The following ACTR10 variants were observed in gnomAD, a reference collection of about 807,000 sequenced individuals.
ACTR10 encodes actin-related protein 10.
Under a neutral mutation model 56.2 loss-of-function variants are expected in ACTR10, and 43 were observed. The ratio of observed to expected loss-of-function variants is 0.77; its 90% CI spans 0.60 to 0.99. The LOEUF (loss-of-function observed/expected upper bound fraction) is 0.99, where lower values mean the gene tolerates loss of function less well. Among genes scored for constraint, ACTR10 ranks in the 50% least tolerant of loss-of-function variants. The probability of loss-of-function intolerance (pLI) is 0.00; values close to 1 mark genes in which losing one functional copy is unlikely to be tolerated. For synonymous variants in ACTR10, 170 were observed against 176.3 expected, an observed-to-expected ratio of 0.96 and a Z score of 0.28; for missense variants, 466 against 507.8, an observed-to-expected ratio of 0.92 and a Z score of 0.79.
At chr14:58,219,866 A>G (rs1444945807) in intron 8 of ACTR10, 137 bp downstream of exon 8, 1 of 536,816 alleles carries the variant, frequency 1.9e-6, no homozygotes, top group African/African-American at 2.0e-5. Context: ...AGGTTATGGG[A>G]TACTCTAAGT....
intron 6 of ACTR10, among the ~76,000 whole-genome samples, chr14:58,214,962 C>T (rs933329734): frequency 1.3e-5 from 2 of 151,244 alleles, no homozygotes; most frequent in Non-Finnish European, 1.5e-5. Flanking sequence ...AAAACTTAGC[C>T]GGGCATGGTG....
At chr14:58,214,567 C>T (rs977754380) in intron 6 of ACTR10, among the ~76,000 whole-genome samples, 8 of 151,528 alleles carry the variant, frequency 5.3e-5, no homozygotes, top group African/African-American at 1.4e-4. Context: ...CTCGGCTCAC[C>T]GCAACCTCCG....
chr14:58,214,012 TACAA>T (rs1889066536), intron 6 of ACTR10, among the ~76,000 whole-genome samples: 1 of 152,212 alleles, frequency 6.6e-6, no homozygotes, highest in African/African-American at 2.4e-5. Flanking sequence ...TCCTTTGAGT[TACAA>T]ACAATCCAGT....
At chr14:58,214,973 G>A (rs1181590774) in intron 6 of ACTR10, among the ~76,000 whole-genome samples, 2 of 151,658 alleles carry the variant, frequency 1.3e-5, no homozygotes, top group African/African-American at 4.8e-5. Flanking sequence ...GGGCATGGTG[G>A]CGGGCACCTG....
intron 7 of ACTR10, among the ~76,000 whole-genome samples, chr14:58,218,401 C>A (rs1889186241): frequency 6.6e-6 from 1 of 152,046 alleles, no homozygotes; most frequent in African/African-American, 2.4e-5. Flanking sequence ...AACATGTTAT[C>A]TTTAGTATGT....
At chr14:58,203,195 AGG>A (rs1169885165) in intron 2 of ACTR10, among the ~76,000 whole-genome samples, 1 of 148,790 alleles carries the variant, frequency 6.7e-6, no homozygotes, top group Non-Finnish European at 1.5e-5. Flanking sequence ...CCAGCTCCTC[AGG>A]GGGCCGAGGC....
chr14:58,212,428 A>T (rs1219109901), intron 5 of ACTR10, among the ~76,000 whole-genome samples: 1 of 152,232 alleles, frequency 6.6e-6, no homozygotes, highest in Non-Finnish European at 1.5e-5. Flanking sequence ...TGCTTTATTG[A>T]AAAGGATGTT....
At chr14:58,226,106 A>AT (rs1252639497) in intron 10 of ACTR10, among the ~76,000 whole-genome samples, 38 of 151,738 alleles carry the variant, frequency 2.5e-4, no homozygotes, top group South Asian at 8.4e-4. Flanking sequence ...ACAAAAAAAA[A>AT]TTTTTTTTTA....
chr14:58,211,939 C>CA (rs35891910), intron 5 of ACTR10, among the ~76,000 whole-genome samples: 32,459 of 126,996 alleles, frequency 0.26, 4,051 homozygotes, highest in Middle Eastern at 0.35. Flanking sequence ...GACTCTGTCT[C>CA]AAAAAAAAAA....
chr14:58,224,576 T>C (rs542484006), intron 10 of ACTR10, among the ~76,000 whole-genome samples: 2 of 152,218 alleles, frequency 1.3e-5, no homozygotes, highest in East Asian at 3.9e-4. Context: ...CCCAGCACTT[T>C]GGGAGGTGGA....
intron 5 of ACTR10, chr14:58,213,183 T>C (rs566968839): frequency 6.6e-6 from 1 of 152,634 alleles, no homozygotes; most frequent in East Asian, 1.9e-4. Flanking sequence ...ATGAAATTAA[T>C]AGTATATTTT....
intron 2 of ACTR10, among the ~76,000 whole-genome samples, chr14:58,206,869 GA>G (rs1888877575): frequency 2.0e-5 from 3 of 152,138 alleles, no homozygotes; most frequent in Non-Finnish European, 2.9e-5. Flanking sequence ...CTTGTGCATA[GA>G]GCTTATAATC....
In ACTR10 at chr14:58,234,459, T is replaced by G; in HGVS notation, c.1162T>G (p.Cys388Gly). The change falls in exon 13 of 13, where the codon TGT becomes GGT. Residue 388 changes from cysteine (C) to glycine (G), a missense_variant. Coordinates refer to ENST00000254286, the MANE Select transcript of ACTR10 (RefSeq NM_018477.3). ...YNQTGRIPDW[C>G]SLNNPPLEMM... ...TCAGACGGGCCGTATACCTGATTGG[T>G]GTTCTCTCAATAACCCACCTTTGGA... The G allele has an allele frequency of 6.2e-7, 1 of 1,613,738 alleles. No homozygotes were observed. Among genetic ancestry groups the G allele is most frequent in the Non-Finnish European group, 8.5e-7 (1 of 1,179,784 alleles).
intron 7 of ACTR10, among the ~76,000 whole-genome samples, chr14:58,216,456 A>C (rs1486020842): frequency 6.6e-6 from 1 of 152,116 alleles, no homozygotes; most frequent in Non-Finnish European, 1.5e-5. Flanking sequence ...ATATAAATAC[A>C]TTGCTCTTTT....
chr14:58,229,255 G>A (rs556295478), intron 10 of ACTR10, among the ~76,000 whole-genome samples: 1 of 152,166 alleles, frequency 6.6e-6, no homozygotes, highest in Non-Finnish European at 1.5e-5. Context: ...GGAGTTGGGA[G>A]GGGAAGGAAA....
chr14:58,234,817 G>T lies in ACTR10; in HGVS notation c.*266G>T. 1 of 188,306 alleles carries T rather than the reference G, an allele frequency of 5.3e-6. No homozygotes were observed. Among genetic ancestry groups the T allele is most frequent in the Non-Finnish European group, 9.8e-6 (1 of 102,480 alleles). The allele number at this position is 188,306 out of a possible 1,614,324, so 11.7% of individuals were successfully genotyped here. ...TTTGATTTTGGAAGTTTGTTATGTG[G>T]CTTTTTTTTTTTTTTTTTTTTTGAG... On this transcript the variant is annotated 3_prime_UTR_variant, in exon 13 of 13. Coordinates refer to ENST00000254286, the MANE Select transcript of ACTR10 (RefSeq NM_018477.3).
At chr14:58,220,196 G>A (rs924251786) in intron 8 of ACTR10, among the ~76,000 whole-genome samples, 14 of 151,834 alleles carry the variant, frequency 9.2e-5, no homozygotes, top group African/African-American at 3.1e-4. Context: ...GTTCAAATTG[G>A]GTTTTCTGGT....
rs530125076 is a variant in ACTR10, at chr14:58,202,106, A to G, written c.78-749A>G. Among the ~76,000 whole-genome samples the G allele has an allele frequency of 6.6e-5, 10 of 152,308 alleles. No individual in the cohort carries two copies. The East Asian group carries it at 1.7e-3, about 26-fold the overall frequency. ...TATGAAGTGTGATTAAAACTATGTC[A>G]AATATATATGCATAATCATAAGAAG... On this transcript the variant is annotated intron_variant, in intron 1 of 12. Transcript: ENST00000254286.
In ACTR10 at chr14:58,215,294, T is replaced by A. The variant is rs1330069552; in HGVS notation, c.598+10T>A. 2 of 1,585,482 alleles carry A rather than the reference T, an allele frequency of 1.3e-6. No homozygotes were observed. The highest frequency in any genetic ancestry group is 2.2e-5 in the South Asian group (2 of 88,952). On this transcript the variant is annotated intron_variant, in intron 7 of 12. Transcript: ENST00000254286. ...CTTCCCTCAGTGATGGGTAAATTCATTTTAAGTGGTTTAGGAGTGGTTTAC... is the reference window on the plus strand; with the variant it reads ...CTTCCCTCAGTGATGGGTAAATTCAATTTAAGTGGTTTAGGAGTGGTTTAC...
Sources: allele counts gnomAD v4.1 joint callset (sites outside exome capture counted in the v4.1 genomes callset), GRCh38; gene constraint gnomAD v4.1.1; transcripts MANE v1.5; gene names NCBI Gene and HGNC (gene_info 2026-07-23, HGNC 2026-07-21).